The following CFAP47 variants were observed in gnomAD, a reference collection of about 807,000 sequenced individuals.
CFAP47 encodes the protein cilia- and flagella-associated protein 47.
CFAP47 carries 29 observed loss-of-function variants against 148.1 expected under a neutral mutation model. The ratio of observed to expected loss-of-function variants is 0.20; its 90% CI spans 0.15 to 0.27. CFAP47 has a LOEUF of 0.27. Among genes scored for constraint, CFAP47 ranks in the 10% least tolerant of loss-of-function variants. The pLI, the probability that CFAP47 is intolerant of heterozygous loss-of-function variation, is 1.00. For missense variants in CFAP47, 1,872 were observed against 1,697.5 expected (o/e 1.10, Z -1.81); for synonymous variants, 664 against 577.3 (o/e 1.15, Z -2.15).
chrX:36,271,075 T>C (rs1405563067), intron 49 of CFAP47, among the ~76,000 whole-genome samples: 5 of 110,745 alleles, frequency 4.5e-5, no homozygotes, highest in Non-Finnish European at 9.5e-5. Context: ...AAGCTTAAAA[T>C]GAAGGGTGGA....
At chrX:36,108,711 A>G (rs904038443) in intron 33 of CFAP47, among the ~76,000 whole-genome samples, 16 of 110,823 alleles carry the variant, frequency 1.4e-4, no homozygotes, top group Middle Eastern at 4.2e-3. Flanking sequence ...TATCTACCAT[A>G]CCTTATAACC....
chrX:36,136,274 T>C (rs770778857), intron 33 of CFAP47, among the ~76,000 whole-genome samples: 1 of 108,030 alleles, frequency 9.3e-6, no homozygotes, highest in Non-Finnish European at 1.9e-5. Flanking sequence ...GTTTTCCTGT[T>C]ATGGATGTGA....
At chrX:35,950,573 T>C (rs1276007971) in intron 4 of CFAP47, among the ~76,000 whole-genome samples, 1 of 110,613 alleles carries the variant, frequency 9.0e-6, no homozygotes, top group African/African-American at 3.3e-5. Context: ...AGGGTCTCAC[T>C]GTGTGGCCTA....
chrX:36,111,382 C>A (rs1054322783), intron 33 of CFAP47, among the ~76,000 whole-genome samples: 20 of 112,089 alleles, frequency 1.8e-4, no homozygotes, highest in African/African-American at 4.5e-4. Context: ...CTATTTAGTT[C>A]TGTTTATGTG....
chrX:36,199,354 C>A (rs1226479780), intron 42 of CFAP47, among the ~76,000 whole-genome samples: 1 of 112,199 alleles, frequency 8.9e-6, no homozygotes, highest in Non-Finnish European at 1.9e-5. Flanking sequence ...CAATTAAAAC[C>A]AGAAATGTCC....
At chrX:36,099,962 G>T (rs1601977341) in intron 32 of CFAP47, 83 bp downstream of exon 32, 2 of 512,688 alleles carry the variant, frequency 3.9e-6, no homozygotes, top group South Asian at 3.8e-5. Flanking sequence ...ATGCTGCTAT[G>T]AAAGATTCAA....
At chrX:35,966,322 A>AG (rs1936404079) in intron 8 of CFAP47, among the ~76,000 whole-genome samples, 1 of 113,106 alleles carries the variant, frequency 8.8e-6, no homozygotes, top group African/African-American at 3.2e-5. Flanking sequence ...AATATTTAAG[A>AG]AATATTAGCT....
chrX:36,353,040 T>A (rs1357904911), intron 59 of CFAP47, among the ~76,000 whole-genome samples: 2 of 110,850 alleles, frequency 1.8e-5, no homozygotes, highest in East Asian at 2.8e-4. Flanking sequence ...ATGAATCTAA[T>A]AGGAAATATT....
intron 32 of CFAP47, among the ~76,000 whole-genome samples, chrX:36,101,095 G>A (rs917142972): frequency 9.0e-6 from 1 of 111,292 alleles, no homozygotes; most frequent in Non-Finnish European, 1.9e-5. Flanking sequence ...CTGAATGTAA[G>A]AAGAGTATTC....
rs1941900686 is a variant in CFAP47, at chrX:36,368,599, G to A, written c.9185+1472G>A. ...AATTTCTCTTACAGTTTGAAAATAT[G>A]ATACTCTTGTGAAAAAAATTGGTTT... On this transcript the variant is annotated intron_variant, in intron 62 of 63. Transcript: ENST00000378653. Among the ~76,000 whole-genome samples, 3 of 111,206 alleles carry A rather than the reference G, an allele frequency of 2.7e-5. No homozygotes were observed. The Admixed American group carries it at 2.9e-4, about 11-fold the overall frequency.
intron 61 of CFAP47, among the ~76,000 whole-genome samples, chrX:36,364,901 CATATATATATATATATATATATATATAT>C (rs60748143): frequency 0.094 from 6,340 of 67,363 alleles, 435 homozygotes; most frequent in African/African-American, 0.23. Flanking sequence ...ATATTTTGTG[CATATATATATATATATATATATATATAT>C]ATATATATAT....
chrX:36,247,644 G>A (rs1602068087), intron 48 of CFAP47, among the ~76,000 whole-genome samples: 1 of 110,288 alleles, frequency 9.1e-6, no homozygotes, highest in East Asian at 2.8e-4. Flanking sequence ...TAAAACCCAA[G>A]ACATCTTAGA....
At chrX:36,291,845 C>CAT (rs1216947268) in intron 51 of CFAP47, among the ~76,000 whole-genome samples, 2 of 111,148 alleles carry the variant, frequency 1.8e-5, no homozygotes, top group East Asian at 5.6e-4. Flanking sequence ...TGTATACTTA[C>CAT]ATATATATAC....
intron 39 of CFAP47, among the ~76,000 whole-genome samples, chrX:36,165,164 G>A (rs1356788927): frequency 8.9e-6 from 1 of 111,844 alleles, no homozygotes; most frequent in Non-Finnish European, 1.9e-5. Flanking sequence ...TATTGTATGT[G>A]TATATTACTC....
At chrX:36,002,440 A>G (rs766151919) in intron 21 of CFAP47, among the ~76,000 whole-genome samples, 51 of 110,957 alleles carry the variant, frequency 4.6e-4, no homozygotes, top group Admixed American at 2.5e-3. Context: ...TACAAAAATT[A>G]GTGTGGTGGC....
chrX:36,115,761 A>G (rs1478933130), intron 33 of CFAP47, among the ~76,000 whole-genome samples: 1 of 111,937 alleles, frequency 8.9e-6, no homozygotes, highest in African/African-American at 3.2e-5. Flanking sequence ...TGGAATGTTT[A>G]TTACCTTTAC....
chrX:36,188,840 A>T, intron 41 of CFAP47, 150 bp downstream of exon 41: 1 of 280,842 alleles, frequency 3.6e-6, no homozygotes, highest in Non-Finnish European at 6.3e-6. Context: ...AGGCTGAAGC[A>T]TAGGTCCTGA....
At chrX:36,305,586 A>G (rs782556797) in intron 54 of CFAP47, among the ~76,000 whole-genome samples, 1 of 111,732 alleles carries the variant, frequency 8.9e-6, no homozygotes, top group Admixed American at 9.6e-5. Context: ...TCAAAAAGCT[A>G]TTTATGAGAA....
rs754903924 is a variant in CFAP47, at chrX:36,068,785, G to A, written c.4319-3040G>A. On this transcript the variant is annotated intron_variant, in intron 27 of 63. Coordinates refer to ENST00000378653, the MANE Select transcript of CFAP47 (RefSeq NM_001304548.2). ...ATCCTGGCCAACATGGTGAAACCCCGTCTCTACTAAAAATACAAAAATTAG... is the reference window on the plus strand; with the variant it reads ...ATCCTGGCCAACATGGTGAAACCCCATCTCTACTAAAAATACAAAAATTAG... Among the ~76,000 whole-genome samples the A allele has an allele frequency of 4.2e-3, 446 of 107,463 alleles. 1 individual carries two copies. The highest frequency in any genetic ancestry group is 0.014 in the African/African-American group (400 of 29,498). The allele number at this position is 107,463 out of a possible 115,157, so 93.3% of individuals were successfully genotyped here.
Sources: gnomAD v4.1 joint callset for allele counts (sites outside exome capture counted in the v4.1 genomes callset) on GRCh38, gnomAD v4.1.1 for gene constraint, MANE v1.5 for transcripts, NCBI Gene and HGNC (gene_info 2026-07-23, HGNC 2026-07-21) for gene names.